PAX5: variants seen among roughly 807,000 people sequenced by gnomAD.
PAX5 encodes the protein paired box protein Pax-5.
Under a neutral mutation model 43.7 loss-of-function variants are expected in PAX5, and 9 were observed. The observed-to-expected ratio is 0.21, with a 90% confidence interval of 0.12 to 0.36. PAX5 has a LOEUF of 0.36. Among genes scored for constraint, PAX5 ranks in the 10% least tolerant of loss-of-function variants. The pLI, the probability that PAX5 is intolerant of heterozygous loss-of-function variation, is 1.00. For missense variants in PAX5, 383 were observed against 532.7 expected (o/e 0.72, Z 2.77); for synonymous variants, 228 against 214.3 (o/e 1.06, Z -0.56).
intron 6 of PAX5, among the ~76,000 whole-genome samples, chr9:36,941,843 A>C (rs1283252300): frequency 1.3e-5 from 2 of 152,150 alleles, no homozygotes; most frequent in Non-Finnish European, 2.9e-5. Flanking sequence ...CCAGGACATG[A>C]GACTCACACC....
chr9:37,012,803 G>A (rs1050853209), intron 3 of PAX5, among the ~76,000 whole-genome samples: 22 of 152,134 alleles, frequency 1.4e-4, no homozygotes, highest in Admixed American at 2.6e-4. Flanking sequence ...TGTTACTTAC[G>A]TTTTTCTAAC....
intron 9 of PAX5, among the ~76,000 whole-genome samples, chr9:36,843,876 C>G (rs556848425): frequency 6.6e-6 from 1 of 152,292 alleles, no homozygotes; most frequent in East Asian, 1.9e-4. Context: ...GTTCCAAGCA[C>G]CCCGGGAAAA....
chr9:37,033,427 A>G (rs72735681), intron 1 of PAX5, among the ~76,000 whole-genome samples: 1 of 152,288 alleles, frequency 6.6e-6, no homozygotes, highest in Non-Finnish European at 1.5e-5. Flanking sequence ...CACATCCAAA[A>G]ATCACTTGGG....
In PAX5 at chr9:36,833,734, T is replaced by C. The variant is rs949719487; in HGVS notation, c.*6826A>G. On this transcript the variant is annotated 3_prime_UTR_variant, in exon 10 of 10. Coordinates refer to ENST00000358127, the MANE Select transcript of PAX5 (RefSeq NM_016734.3). Reference sequence around the variant, plus strand: ...ATATTTCAAGTCAGTTATTTTCTACTAGAAAAAAAGAATACAAAACATACA... The same window carrying C: ...ATATTTCAAGTCAGTTATTTTCTACCAGAAAAAAAGAATACAAAACATACA... 3 of 232,312 alleles carry C rather than the reference T, an allele frequency of 1.3e-5. No homozygotes were observed. Among genetic ancestry groups the C allele is most frequent in the Non-Finnish European group, 2.5e-5 (3 of 117,864 alleles). 14.4% of individuals were successfully genotyped at this position (232,312 alleles called of 1,614,324 possible).
At chr9:37,022,488 G>A (rs1427164403) in intron 1 of PAX5, among the ~76,000 whole-genome samples, 2 of 152,194 alleles carry the variant, frequency 1.3e-5, no homozygotes, top group African/African-American at 4.8e-5. Context: ...ATTGGTATAA[G>A]CTCATCTGGG....
intron 7 of PAX5, among the ~76,000 whole-genome samples, chr9:36,915,233 G>A (rs145723894): frequency 1.8e-4 from 27 of 152,260 alleles, no homozygotes; most frequent in African/African-American, 5.8e-4. Context: ...AATTTTGATA[G>A]ATCCCATTCC....
chr9:36,841,408 C>A (rs972590413), intron 9 of PAX5, among the ~76,000 whole-genome samples: 1 of 152,254 alleles, frequency 6.6e-6, no homozygotes, highest in Non-Finnish European at 1.5e-5. Context: ...TCTTGGCCTG[C>A]ACCCTCACCC....
intron 1 of PAX5, among the ~76,000 whole-genome samples, chr9:37,025,487 C>T (rs1029297263): frequency 2.6e-5 from 4 of 152,222 alleles, no homozygotes; most frequent in African/African-American, 9.6e-5. Context: ...AACTCCCTGA[C>T]CTGAAGCCCG....
intron 3 of PAX5, 61 bp from the exon 4 acceptor site, chr9:37,006,598 C>T (rs1588208126): frequency 1.5e-6 from 2 of 1,310,266 alleles, no homozygotes. Context: ...AGACCTCAAC[C>T]AGCTATGCAC....
chr9:36,868,341 G>C (rs186343526), intron 8 of PAX5, among the ~76,000 whole-genome samples: 1 of 152,326 alleles, frequency 6.6e-6, no homozygotes, highest in East Asian at 1.9e-4. Flanking sequence ...ACTGCAGGCA[G>C]GGCCAGGATC....
At chr9:36,933,991 T>C (rs541294931) in intron 6 of PAX5, among the ~76,000 whole-genome samples, 1 of 152,258 alleles carries the variant, frequency 6.6e-6, no homozygotes, top group South Asian at 2.1e-4. Flanking sequence ...TTCTCCTTGA[T>C]ATGGCCCCAG....
chr9:36,973,103 A>C (rs148080383), intron 5 of PAX5, among the ~76,000 whole-genome samples: 1,753 of 83,560 alleles, frequency 0.021, 37 homozygotes, highest in African/African-American at 0.094. Flanking sequence ...AGGAAAGGAA[A>C]GGAAAGGAAA....
intron 5 of PAX5, among the ~76,000 whole-genome samples, chr9:36,973,083 C>CGGAACGGAACGGAAAGGAAA (rs1835070933): frequency 1.1e-4 from 8 of 74,544 alleles, no homozygotes; most frequent in South Asian, 4.1e-4. Flanking sequence ...CGGAACGGAA[C>CGGAACGGAACGGAAAGGAAA]GGAAAGGAAA....
At chr9:36,857,024 G>A (rs1045036788) in intron 8 of PAX5, among the ~76,000 whole-genome samples, 1 of 152,126 alleles carries the variant, frequency 6.6e-6, no homozygotes, top group Non-Finnish European at 1.5e-5. Context: ...GAATAACATT[G>A]AACTACATTC....
chr9:36,981,447 A>AAAAAAAAAAAAAAAAAAG lies in PAX5; in HGVS notation c.605-14724_605-14723insCTTTTTTTTTTTTTTTTT, dbSNP rs397977642. Reference sequence around the variant, plus strand: ...CACTGAAACTGGCAAAAAAAAAAAAACAAAAAACAGGTACAAAGGAGAAGG... The same window carrying AAAAAAAAAAAAAAAAAAG: ...CACTGAAACTGGCAAAAAAAAAAAAAAAAAAAAAAAAAAAAAAGCAAAAAACAGGTACAAAGGAGAAGG... On this transcript the variant is annotated intron_variant, in intron 5 of 9. Transcript: ENST00000358127. Among the ~76,000 whole-genome samples, 2 of 148,720 alleles carry AAAAAAAAAAAAAAAAAAG rather than the reference A, an allele frequency of 1.3e-5. 1 individual carries two copies. The highest frequency in any genetic ancestry group is 3.0e-5 in the Non-Finnish European group (2 of 66,282).
Position 36,986,339 on chromosome 9 carries a change from C to A in PAX5, c.604+16309G>T, listed in dbSNP as rs906272247. On this transcript the variant is annotated intron_variant, in intron 5 of 9. Coordinates refer to ENST00000358127, the MANE Select transcript of PAX5 (RefSeq NM_016734.3). ...TGCAGGGCGCGCCGCCGCCTCCACGCTGCGCCCCGGGCCCCGCCGCGGCCG... is the reference window on the plus strand; with the variant it reads ...TGCAGGGCGCGCCGCCGCCTCCACGATGCGCCCCGGGCCCCGCCGCGGCCG... Among the ~76,000 whole-genome samples the A allele has an allele frequency of 6.9e-4, 102 of 147,414 alleles. 1 individual carries two copies. The highest frequency in any genetic ancestry group is 2.4e-3 in the Admixed American group (35 of 14,838).
At chr9:36,995,040 C>T (rs1837276575) in intron 5 of PAX5, among the ~76,000 whole-genome samples, 1 of 152,150 alleles carries the variant, frequency 6.6e-6, no homozygotes, top group Non-Finnish European at 1.5e-5. Flanking sequence ...CACCTCTCTA[C>T]ATCCAGGGGA....
At chr9:36,866,689 AC>A (rs988422418) in intron 8 of PAX5, among the ~76,000 whole-genome samples, 2 of 152,018 alleles carry the variant, frequency 1.3e-5, no homozygotes, top group African/African-American at 4.8e-5. Flanking sequence ...GGGGGTGGGG[AC>A]AATAGGGCAG....
At chr9:36,847,838 T>G (rs1017461360) in intron 8 of PAX5, among the ~76,000 whole-genome samples, 3 of 152,260 alleles carry the variant, frequency 2.0e-5, no homozygotes, top group African/African-American at 7.2e-5. Flanking sequence ...GGAGGAGAGT[T>G]CACAATTCTG....
Sources: gnomAD v4.1 joint callset for allele counts (sites outside exome capture counted in the v4.1 genomes callset) on GRCh38, gnomAD v4.1.1 for gene constraint, MANE v1.5 for transcripts, NCBI Gene and HGNC (gene_info 2026-07-23, HGNC 2026-07-21) for gene names.